TSPAN14: variants seen among roughly 807,000 people sequenced by gnomAD.
The protein encoded by TSPAN14 is tetraspanin 14.
TSPAN14 carries 16 observed loss-of-function variants against 36.6 expected under a neutral mutation model. The ratio of observed to expected loss-of-function variants is 0.44; its 90% CI spans 0.30 to 0.66. The LOEUF (loss-of-function observed/expected upper bound fraction) is 0.66, where lower values mean the gene tolerates loss of function less well. Ranked by LOEUF, TSPAN14 falls within the 30% of genes least tolerant of loss-of-function variation. TSPAN14 has a pLI of 0.12. For synonymous variants in TSPAN14, 139 were observed against 143.8 expected, an observed-to-expected ratio of 0.97 and a Z score of 0.24; for missense variants, 231 against 355.1, an observed-to-expected ratio of 0.65 and a Z score of 2.81.
chr10:80,457,454 G>A (rs968825885), intron 1 of TSPAN14, among the ~76,000 whole-genome samples: 2 of 152,208 alleles, frequency 1.3e-5, no homozygotes, highest in African/African-American at 4.8e-5. Flanking sequence ...CTCCCAAAGT[G>A]CTGGGATTAC....
chr10:80,478,761 C>T (rs1327410394), intron 1 of TSPAN14, among the ~76,000 whole-genome samples: 1 of 152,170 alleles, frequency 6.6e-6, no homozygotes, highest in African/African-American at 2.4e-5. Flanking sequence ...GTGAAGGTAT[C>T]CTGTAATCCC....
chr10:80,514,369 T>G (rs1387924928), intron 7 of TSPAN14, among the ~76,000 whole-genome samples: 1 of 152,144 alleles, frequency 6.6e-6, no homozygotes, highest in Non-Finnish European at 1.5e-5. Context: ...TTTAGGAGGC[T>G]CCTTGGCATC....
intron 1 of TSPAN14, among the ~76,000 whole-genome samples, chr10:80,488,781 C>T (rs891947888): frequency 3.3e-5 from 5 of 152,140 alleles, no homozygotes; most frequent in Admixed American, 6.5e-5. Flanking sequence ...GTGGAAAGAA[C>T]GTGGACTGTG....
chr10:80,504,976 C>T (rs1393361139), intron 3 of TSPAN14, among the ~76,000 whole-genome samples, 198 bp downstream of exon 3: 1 of 152,244 alleles, frequency 6.6e-6, no homozygotes, highest in Admixed American at 6.5e-5. Context: ...GAGGTATGGG[C>T]TGGGCTGGTT....
intron 1 of TSPAN14, among the ~76,000 whole-genome samples, chr10:80,480,728 A>G (rs1390097081): frequency 1.3e-5 from 2 of 152,080 alleles, no homozygotes; most frequent in African/African-American, 4.8e-5. Context: ...GGATTTGAAC[A>G]AGGAGAACAC....
intron 1 of TSPAN14, among the ~76,000 whole-genome samples, chr10:80,482,906 T>G (rs1169946339): frequency 6.6e-6 from 1 of 151,696 alleles, no homozygotes; most frequent in African/African-American, 2.4e-5. Flanking sequence ...TGGCTAATTT[T>G]GTATTTTTAG....
At chr10:80,511,487 CTGAGGAGGCTGGAAGGAGGCGTCTCCTT>C (rs1156298783) in intron 5 of TSPAN14, among the ~76,000 whole-genome samples, 1 of 152,120 alleles carries the variant, frequency 6.6e-6, no homozygotes, top group African/African-American at 2.4e-5. Flanking sequence ...ACTCTCCTGT[CTGAGGAGGCTGGAAGGAGGCGTCTCCTT>C]TGAGGAGGCT....
At chr10:80,466,062 A>G (rs1415708502) in intron 1 of TSPAN14, among the ~76,000 whole-genome samples, 1 of 152,156 alleles carries the variant, frequency 6.6e-6, no homozygotes, top group Non-Finnish European at 1.5e-5. Context: ...CAGAATCTGT[A>G]AGGCACCTGC....
intron 7 of TSPAN14, among the ~76,000 whole-genome samples, chr10:80,515,136 A>G (rs750483394): frequency 2.0e-5 from 3 of 152,220 alleles, no homozygotes; most frequent in Non-Finnish European, 2.9e-5. Flanking sequence ...TTCCCTAATT[A>G]TGATTTTTTT....
chr10:80,484,346 A>T lies in TSPAN14; in HGVS notation c.-17-4871A>T, dbSNP rs1336419801. On this transcript the variant is annotated intron_variant, in intron 1 of 8. Coordinates refer to ENST00000429989, the Ensembl canonical transcript of TSPAN14. ...TTTTAAATTTTTTTATTTTTTAAAG[A>T]CCGGGTCTTGCTCTGTCACCCAGAC... Among the ~76,000 whole-genome samples, 3 of 151,850 alleles carry T rather than the reference A, an allele frequency of 2.0e-5. No homozygotes were observed. The East Asian group carries it at 5.8e-4, about 29-fold the overall frequency.
Position 80,495,296 on chromosome 10 carries a change from G to A in TSPAN14, c.81+5982G>A, listed in dbSNP as rs150354570. ...ACAGTCAAAATCACATCCCCAGAACGACTGCCCCAATTCATAGGAAGTTGA... is the reference window on the plus strand; with the variant it reads ...ACAGTCAAAATCACATCCCCAGAACAACTGCCCCAATTCATAGGAAGTTGA... On this transcript the variant is annotated intron_variant, in intron 2 of 8. Coordinates refer to ENST00000429989, the Ensembl canonical transcript of TSPAN14. Among the ~76,000 whole-genome samples the A allele has an allele frequency of 4.7e-4, 72 of 151,916 alleles. 1 individual carries two copies. The highest frequency in any genetic ancestry group is 1.7e-3 in the African/African-American group (71 of 41,396).
chr10:80,511,536 G>A (rs1286514866), intron 5 of TSPAN14, among the ~76,000 whole-genome samples: 1 of 152,130 alleles, frequency 6.6e-6, no homozygotes, highest in Non-Finnish European at 1.5e-5. Context: ...GGGAAGAAGA[G>A]CAAGCTCCCT....
chr10:80,488,789 G>GT (rs1847767176), intron 1 of TSPAN14, among the ~76,000 whole-genome samples: 1 of 152,194 alleles, frequency 6.6e-6, no homozygotes, highest in Admixed American at 6.5e-5. Context: ...AACGTGGACT[G>GT]TGAAGTCCCC....
chr10:80,485,754 C>A (rs35998463), intron 1 of TSPAN14: 1 of 900,100 alleles, frequency 1.1e-6, no homozygotes, highest in Admixed American at 6.2e-5. Flanking sequence ...GGTGGGAAAG[C>A]GGGGAGCGGA....
intron 1 of TSPAN14, among the ~76,000 whole-genome samples, chr10:80,468,940 T>A (rs2131967744): frequency 6.6e-6 from 1 of 152,274 alleles, no homozygotes; most frequent in South Asian, 2.1e-4. Flanking sequence ...TTAGCCTGTT[T>A]CATGGTTTTG....
rs1344433546 is a variant in TSPAN14, at chr10:80,509,923, T to G, written c.450+452T>G. On this transcript the variant is annotated intron_variant, in intron 5 of 8. Coordinates refer to ENST00000429989, the Ensembl canonical transcript of TSPAN14. This position sits in a 1 kb window ranked among gnomAD's most constrained non-coding sequence, Gnocchi z 4.7. The stretch of plus-strand genomic sequence containing the variant: ...CCTTCCTCCCTGGGACCTTTTCCCC[T>G]TCCTGTTTAAGAAGCCAGGGCTGCC... 6.2e-6 allele frequency: 1 copy of G among 161,752 alleles called. No homozygotes were observed. The highest frequency in any genetic ancestry group is 2.4e-5 in the African/African-American group (1 of 41,638). The allele number at this position is 161,752 out of a possible 1,614,324, so 10.0% of individuals were successfully genotyped here.
chr10:80,467,090 T>C (rs1334665298), intron 1 of TSPAN14, among the ~76,000 whole-genome samples: 3 of 152,220 alleles, frequency 2.0e-5, no homozygotes, highest in Non-Finnish European at 4.4e-5. Flanking sequence ...CCTTCAGTCC[T>C]CTTTATATTT....
rs1025033981 is a variant in TSPAN14, at chr10:80,476,564, C to T, written c.-17-12653C>T. Among the ~76,000 whole-genome samples the T allele has an allele frequency of 6.6e-5, 10 of 151,842 alleles. No individual in the cohort carries two copies. In the South Asian group the frequency reaches 1.7e-3, roughly 25 times the overall value. ...CCGAGTAGCTGGGAATACAGGCACC[C>T]GCTACCACACCCGGCTAATTTTTTG... On this transcript the variant is annotated intron_variant, in intron 1 of 8. Transcript: ENST00000429989.
chr10:80,513,292 G>C (rs945065827), intron 6 of TSPAN14, among the ~76,000 whole-genome samples: 2 of 151,956 alleles, frequency 1.3e-5, no homozygotes, highest in African/African-American at 4.8e-5. Context: ...AAGGAGCTCT[G>C]AATTTTGCCT....
Sources: gnomAD v4.1 joint callset for allele counts (sites outside exome capture counted in the v4.1 genomes callset) on GRCh38, gnomAD v4.1.1 for gene constraint, Gnocchi (gnomAD v3.1) non-coding constraint, MANE v1.5 for transcripts, NCBI Gene and HGNC (gene_info 2026-07-23, HGNC 2026-07-21) for gene names.